Variants in TRPS1 observed in about 807,000 individuals in gnomAD.
The protein encoded by TRPS1 is zinc finger transcription factor Trps1.
A neutral mutation model predicts 101.2 loss-of-function variants in TRPS1; 6 were observed. That is an observed-to-expected ratio of 0.06 (90% CI 0.03 to 0.12). The LOEUF is 0.12. Among genes scored for constraint, TRPS1 ranks in the 10% least tolerant of loss-of-function variants. The pLI, the probability that TRPS1 is intolerant of heterozygous loss-of-function variation, is 1.00. For synonymous variants in TRPS1, 578 were observed against 589.8 expected (o/e 0.98, Z 0.29); for missense variants, 1,363 against 1,567.0 (o/e 0.87, Z 2.20).
chr8:115,544,924 T>C (rs939414837), intron 5 of TRPS1, among the ~76,000 whole-genome samples: 3 of 152,062 alleles, frequency 2.0e-5, no homozygotes, highest in Admixed American at 2.0e-4. Context: ...TTCCCCTCTT[T>C]TAATATTTTT....
At chr8:115,501,750 T>C (rs1161677649) in intron 5 of TRPS1, among the ~76,000 whole-genome samples, 1 of 152,220 alleles carries the variant, frequency 6.6e-6, no homozygotes, top group Non-Finnish European at 1.5e-5. Context: ...TTGTCACATC[T>C]GGTATCTTAT....
intron 5 of TRPS1, among the ~76,000 whole-genome samples, chr8:115,494,716 A>G (rs1815107179): frequency 6.6e-6 from 1 of 152,220 alleles, no homozygotes. Context: ...CTCAAGGGTC[A>G]CATTTTAACC....
chr8:115,534,303 ATTGAAG>A (rs1816226942), intron 5 of TRPS1, among the ~76,000 whole-genome samples: 2 of 141,310 alleles, frequency 1.4e-5, no homozygotes, highest in East Asian at 2.1e-4. Context: ...CACACTGGAG[ATTGAAG>A]CTCTAACCGC....
At chr8:115,508,794 T>C (rs1195537857) in intron 5 of TRPS1, among the ~76,000 whole-genome samples, 2 of 152,018 alleles carry the variant, frequency 1.3e-5, no homozygotes, top group East Asian at 3.9e-4. Context: ...TTTTGCTCAC[T>C]ACTGCAAAAC....
intron 1 of TRPS1, among the ~76,000 whole-genome samples, chr8:115,657,376 C>A (rs1811698933): frequency 6.6e-6 from 1 of 152,020 alleles, no homozygotes; most frequent in Admixed American, 6.6e-5. Flanking sequence ...TGCGTTACTC[C>A]CTCGACTTGA....
At chr8:115,613,517 T>G (rs1025072678) in intron 3 of TRPS1, among the ~76,000 whole-genome samples, 1 of 152,210 alleles carries the variant, frequency 6.6e-6, no homozygotes, top group Non-Finnish European at 1.5e-5. Flanking sequence ...CTCAGACTCA[T>G]GTTTGGCCAG....
chr8:115,522,898 G>A (rs1815901261), intron 5 of TRPS1, among the ~76,000 whole-genome samples: 1 of 151,970 alleles, frequency 6.6e-6, no homozygotes, highest in Admixed American at 6.6e-5. Flanking sequence ...TGTTGTTGTT[G>A]TCTTTGTTAA....
intron 4 of TRPS1, 23 bp downstream of exon 4, chr8:115,603,850 C>T (rs755870779): frequency 1.9e-5 from 31 of 1,613,192 alleles, no homozygotes; most frequent in Middle Eastern, 1.6e-4. Flanking sequence ...ATATTCCTCC[C>T]GACCCCACCC....
At position 115,418,424 on chromosome 8, in the gene TRPS1, G is replaced by C; in HGVS notation, c.2729C>G (p.Ala910Gly). ...RRRRGSGVFC[A>G]NCLTTKTSLW... ...AGAGGTCTTTGTGGTCAGGCAATTG[G>C]CACAAAAAACACCGGAGCCTCTACG... The change falls in exon 6 of 7, where the codon GCC (alanine) becomes GGC (glycine). Residue 910 changes from alanine (A) to glycine (G), a missense_variant. Physicochemically the swap from Ala to Gly is moderately conservative, Grantham distance 60 (BLOSUM62 0). Transcript: ENST00000395715. This position sits in a 1 kb window ranked among gnomAD's most constrained non-coding sequence, Gnocchi z 4.3. The C allele has an allele frequency of 6.2e-7, 1 of 1,614,086 alleles. No individual in the cohort carries two copies.
intron 4 of TRPS1, among the ~76,000 whole-genome samples, chr8:115,600,384 A>C (rs1382928109): frequency 2.0e-5 from 3 of 152,158 alleles, no homozygotes; most frequent in African/African-American, 4.8e-5. Flanking sequence ...AATATCTTGG[A>C]GGTAAAATTT....
intron 1 of TRPS1, chr8:115,667,741 G>GA (rs571368839): frequency 3.0e-5 from 37 of 1,254,150 alleles, no homozygotes; most frequent in South Asian, 1.0e-4. Context: ...GCCTTTAAGG[G>GA]AAAAAAGTTT....
At chr8:115,499,200 A>T (rs1054465262) in intron 5 of TRPS1, among the ~76,000 whole-genome samples, 4 of 152,132 alleles carry the variant, frequency 2.6e-5, no homozygotes, top group African/African-American at 9.7e-5. Flanking sequence ...TATTTCCTAA[A>T]CTGCTTGTTA....
At chr8:115,436,606 T>G (rs1211303498) in intron 5 of TRPS1, among the ~76,000 whole-genome samples, 1 of 152,164 alleles carries the variant, frequency 6.6e-6, no homozygotes, top group African/African-American at 2.4e-5. Flanking sequence ...TCTCAAGAGA[T>G]CCTCCTGCCT....
chr8:115,463,583 A>G (rs1479071577), intron 5 of TRPS1, among the ~76,000 whole-genome samples: 1 of 152,122 alleles, frequency 6.6e-6, no homozygotes, highest in Admixed American at 6.6e-5. Context: ...GAAACCAAAT[A>G]TCCATCCATG....
At chr8:115,605,260 A>AT (rs757076801) in intron 3 of TRPS1, among the ~76,000 whole-genome samples, 2 of 152,222 alleles carry the variant, frequency 1.3e-5, no homozygotes, top group African/African-American at 2.4e-5. Flanking sequence ...ATGCACTATA[A>AT]TTTGAAAGAC....
intron 5 of TRPS1, among the ~76,000 whole-genome samples, chr8:115,465,855 GTC>G (rs879473326): frequency 6.6e-6 from 1 of 152,020 alleles, no homozygotes; most frequent in African/African-American, 2.4e-5. Context: ...ATTAATTGGA[GTC>G]TCTGTTATCT....
intron 5 of TRPS1, among the ~76,000 whole-genome samples, chr8:115,562,625 T>C (rs1466814201): frequency 2.6e-5 from 4 of 152,018 alleles, no homozygotes; most frequent in South Asian, 4.1e-4. Flanking sequence ...TAACTGAATA[T>C]AGACTAGTCA....
chr8:115,456,275 C>T (rs13261620), intron 5 of TRPS1, among the ~76,000 whole-genome samples: 1 of 152,026 alleles, frequency 6.6e-6, no homozygotes, highest in African/African-American at 2.4e-5. Context: ...CTGTATACAT[C>T]CTATTCTATG....
chr8:115,583,490 A>T (rs1332051210), intron 5 of TRPS1, among the ~76,000 whole-genome samples: 3 of 152,096 alleles, frequency 2.0e-5, no homozygotes, highest in African/African-American at 7.2e-5. Context: ...GTTGGTAACC[A>T]TTTTCAGGAG....
Sources: allele counts gnomAD v4.1 joint callset (sites outside exome capture counted in the v4.1 genomes callset), GRCh38; gene constraint gnomAD v4.1.1; non-coding constraint Gnocchi (gnomAD v3.1); transcripts MANE v1.5; gene names NCBI Gene and HGNC (gene_info 2026-07-23, HGNC 2026-07-21).